ALDH18A1: variants seen among roughly 807,000 people sequenced by gnomAD.
The protein encoded by ALDH18A1 is aldehyde dehydrogenase 18 family member A1.
In ALDH18A1, 44 loss-of-function variants were observed where a neutral mutation model predicts 88.8. The ratio of observed to expected loss-of-function variants is 0.50; its 90% confidence interval spans 0.39 to 0.64. The LOEUF (loss-of-function observed/expected upper bound fraction) is 0.64. Among genes scored for constraint, ALDH18A1 ranks in the 30% least tolerant of loss-of-function variants. The pLI is 0.00. For synonymous variants in ALDH18A1, 331 were observed against 372.1 expected, an observed-to-expected ratio of 0.89 and a Z score of 1.27; for missense variants, 782 against 1,009.5, an observed-to-expected ratio of 0.77 and a Z score of 3.05.
At position 95,625,345 on chromosome 10, in the gene ALDH18A1, A is replaced by T; in HGVS notation, c.1246+17T>A. 6.2e-7 allele frequency: 1 copy of T among 1,611,040 alleles called. No individual in the cohort carries two copies. The highest frequency in any genetic ancestry group is 8.5e-7 in the Non-Finnish European group (1 of 1,177,252). On this transcript the variant is annotated intron_variant, in intron 11 of 17. Coordinates refer to ENST00000371224, the MANE Select transcript of ALDH18A1 (RefSeq NM_002860.4). Reference sequence around the variant, plus strand: ...ACACCCCTCCACAACATTGACTTTAAATTGCCTGGTCTTTACCCTCTGCCT... The same window carrying T: ...ACACCCCTCCACAACATTGACTTTATATTGCCTGGTCTTTACCCTCTGCCT...
At chr10:95,644,011 T>C (rs2097896644) in intron 2 of ALDH18A1, among the ~76,000 whole-genome samples, 1 of 152,088 alleles carries the variant, frequency 6.6e-6, no homozygotes, top group Non-Finnish European at 1.5e-5. Context: ...AGCATGGTGG[T>C]GGGCACCTAT....
intron 12 of ALDH18A1, among the ~76,000 whole-genome samples, chr10:95,618,538 T>C (rs2097847468): frequency 1.3e-5 from 2 of 152,152 alleles, no homozygotes; most frequent in Admixed American, 1.3e-4. Context: ...ATGGTCTCAA[T>C]CTCTTGACCT....
In ALDH18A1 at chr10:95,610,254, C is replaced by T. The variant is rs2097831296; in HGVS notation, c.2149G>A (p.Ala717Thr). The T allele has an allele frequency of 1.9e-6, 3 of 1,614,092 alleles. No individual in the cohort carries two copies. The highest frequency in any genetic ancestry group is 2.7e-5 in the African/African-American group (2 of 75,034). The change falls in exon 17 of 18, where the codon GCC (alanine) becomes ACC (threonine). Residue 717 changes from alanine (A) to threonine (T), a missense_variant. Ala to Thr is a moderately conservative substitution (Grantham distance 58). This residue lies in a region of ALDH18A1 where 556 missense variants were observed against 654.5 expected (regional missense o/e 0.85). Transcript: ENST00000371224. ...AEFFLQHVDS[A>T]CVFWNASTRF... The stretch of plus-strand genomic sequence containing the variant: ...GTGCTGGCATTCCAGAACACACAGG[C>T]ACTGTCTACGTGCTGCAGGAAGAAC...
Position 95,611,285 on chromosome 10 carries a change from G to C in ALDH18A1, c.2081C>G (p.Ser694Cys). ...CTCTGTGACGATGACATCCGTGTGG[G>C]AGCTGCCATACTTGTGGATGTGGTC... is the stretch of plus-strand genomic sequence containing the variant. The part of the protein sequence containing the change: ...AIDHIHKYGS[S>C]HTDVIVTEDE... The change falls in exon 16 of 18, where the codon TCC becomes TGC. Residue 694 changes from serine to cysteine, a missense_variant. Ser to Cys is a moderately radical substitution (Grantham distance 112). Coordinates refer to ENST00000371224, the MANE Select transcript of ALDH18A1 (RefSeq NM_002860.4). The C allele has an allele frequency of 6.2e-7, 1 of 1,614,100 alleles. No homozygotes were observed. The highest frequency in any genetic ancestry group is 8.5e-7 in the Non-Finnish European group (1 of 1,180,014).
intron 16 of ALDH18A1, among the ~76,000 whole-genome samples, 157 bp downstream of exon 16, chr10:95,611,099 T>C (rs576103803): frequency 6.6e-6 from 1 of 152,330 alleles, no homozygotes; most frequent in East Asian, 1.9e-4. Flanking sequence ...TAAAGTGATG[T>C]GAAAGCACTC....
intron 2 of ALDH18A1, among the ~76,000 whole-genome samples, chr10:95,650,451 C>CG (rs2097908799): frequency 6.6e-6 from 1 of 152,168 alleles, no homozygotes; most frequent in South Asian, 2.1e-4. Context: ...GTTTGAATTA[C>CG]GGGGGCAGAT....
In ALDH18A1 at chr10:95,633,026, A is replaced by G. The variant is rs1589533181; in HGVS notation, c.741T>C (p.Asp247=). The change falls in exon 7 of 18, where the codon GAT becomes GAC. Residue 247 remains aspartate (D), a synonymous_variant. Coordinates refer to ENST00000371224, the MANE Select transcript of ALDH18A1 (RefSeq NM_002860.4). ...GVNVISVKDN[D]SLAARLAVEM... is the part of the protein sequence containing the mutation. The stretch of plus-strand genomic sequence containing the variant: ...CCACAGCCAGTCGGGCAGCCAGGCT[A>G]TCATTATCTTTAACACTAATAACCT... 1 of 1,614,170 alleles carries G rather than the reference A, an allele frequency of 6.2e-7. No homozygotes were observed. Among genetic ancestry groups the G allele is most frequent in the Non-Finnish European group, 8.5e-7 (1 of 1,179,980 alleles).
intron 2 of ALDH18A1, among the ~76,000 whole-genome samples, chr10:95,652,428 G>C (rs945589683): frequency 6.6e-6 from 1 of 152,170 alleles, no homozygotes; most frequent in Non-Finnish European, 1.5e-5. Context: ...CAAAAAAAGA[G>C]TAATGAACAA....
intron 12 of ALDH18A1, among the ~76,000 whole-genome samples, chr10:95,616,881 T>C (rs1264563654): frequency 1.3e-5 from 2 of 151,908 alleles, no homozygotes; most frequent in Admixed American, 6.6e-5. Flanking sequence ...CAGACTGAGG[T>C]GGTTTGACTC....
rs200308502 is a variant in ALDH18A1 at position 95,644,147 on chromosome 10, AAAC to A, written c.89-944_89-942del. On this transcript the variant is annotated intron_variant, in intron 2 of 17. Coordinates refer to ENST00000371224, the MANE Select transcript of ALDH18A1 (RefSeq NM_002860.4). ...AACAGAGCAAGACTCCTTCTCAAAAAAACAAAAAAAGAGGGAAGAGCCTGATTA... is the reference window on the plus strand; with the variant it reads ...AACAGAGCAAGACTCCTTCTCAAAAAAAAAAAAGAGGGAAGAGCCTGATTA... Among the ~76,000 whole-genome samples, 432 of 152,344 alleles carry A rather than the reference AAAC, an allele frequency of 2.8e-3. 11 individuals carry two copies. The highest frequency in any genetic ancestry group is 0.028 in the East Asian group (145 of 5,182).
chr10:95,644,366 C>A (rs1451809594), intron 2 of ALDH18A1, among the ~76,000 whole-genome samples: 2 of 152,178 alleles, frequency 1.3e-5, no homozygotes, highest in African/African-American at 4.8e-5. Context: ...CTAACCAATT[C>A]TTTCCTGATT....
intron 5 of ALDH18A1, among the ~76,000 whole-genome samples, chr10:95,634,833 C>A (rs1008890911): frequency 2.0e-5 from 3 of 152,148 alleles, no homozygotes; most frequent in African/African-American, 4.8e-5. Flanking sequence ...TGAGGCTCAA[C>A]AATAAATAAT....
chr10:95,614,035 C>G lies in ALDH18A1; in HGVS notation c.1732G>C (p.Gly578Arg), dbSNP rs1085307606. 1.9e-6 allele frequency: 3 copies of G among 1,614,058 alleles called. No individual in the cohort carries two copies. The highest frequency in any genetic ancestry group is 1.3e-5 in the African/African-American group (1 of 74,926). The change falls in exon 14 of 18, where the codon GGG becomes CGG. Residue 578 changes from glycine (G) to arginine (R), a missense_variant. This residue lies in a region of ALDH18A1 where 556 missense variants were observed against 654.5 expected (regional missense o/e 0.85). Coordinates refer to ENST00000371224, the MANE Select transcript of ALDH18A1 (RefSeq NM_002860.4). ...QKAAKGIPVM[G>R]HSEGICHMYV... Reference sequence around the variant, plus strand: ...ATGTGACAGATCCCTTCGCTGTGCCCCATCACTGGAATCCCCTTAGCAGCT... The same window carrying G: ...ATGTGACAGATCCCTTCGCTGTGCCGCATCACTGGAATCCCCTTAGCAGCT...
chr10:95,630,994 C>CA (rs1346953469), intron 7 of ALDH18A1, among the ~76,000 whole-genome samples: 41 of 152,300 alleles, frequency 2.7e-4, no homozygotes, highest in African/African-American at 9.6e-4. Context: ...GAGCGTAAAA[C>CA]AGAGAACAGG....
In ALDH18A1 at chr10:95,606,228, C is replaced by CA. The variant is rs1419552260; in HGVS notation, c.*533dup. On this transcript the variant is annotated 3_prime_UTR_variant, in exon 18 of 18. Coordinates refer to ENST00000371224, the MANE Select transcript of ALDH18A1 (RefSeq NM_002860.4). ...TATTAATTTACCCCACAAATAAATA[C>CA]AAAAGGTCAATCTTCCCAGTGGAAA... The CA allele has an allele frequency of 2.0e-6, 2 of 992,022 alleles. No individual in the cohort carries two copies. Among genetic ancestry groups the CA allele is most frequent in the Admixed American group, 5.5e-5 (1 of 18,166 alleles). The allele number at this position is 992,022 out of a possible 1,614,324, so 61.5% of individuals were successfully genotyped here.
intron 17 of ALDH18A1, among the ~76,000 whole-genome samples, chr10:95,608,481 G>A (rs542168713): frequency 6.6e-6 from 1 of 152,322 alleles, no homozygotes; most frequent in South Asian, 2.1e-4. Context: ...AAAAAGTTCA[G>A]AAGGATTAAA....
intron 2 of ALDH18A1, among the ~76,000 whole-genome samples, chr10:95,645,507 G>A (rs1000208363): frequency 6.6e-6 from 1 of 152,076 alleles, no homozygotes; most frequent in Admixed American, 6.6e-5. Context: ...GGTAAAGCAG[G>A]CAGGACCTTA....
chr10:95,634,780 A>G (rs916146653), intron 5 of ALDH18A1, among the ~76,000 whole-genome samples: 15 of 152,200 alleles, frequency 9.9e-5, no homozygotes, highest in African/African-American at 3.6e-4. Context: ...AAAAAGATAA[A>G]TGGGTGAATG....
chr10:95,630,876 A>C (rs1368914526), intron 7 of ALDH18A1, among the ~76,000 whole-genome samples: 2 of 152,206 alleles, frequency 1.3e-5, no homozygotes, highest in African/African-American at 4.8e-5. Flanking sequence ...AGATATTGAC[A>C]TGTAGGTGTC....
Sources: allele counts gnomAD v4.1 joint callset (sites outside exome capture counted in the v4.1 genomes callset), GRCh38; gene constraint gnomAD v4.1.1; regional missense constraint gnomAD v4.1.1; transcripts MANE v1.5; gene names NCBI Gene and HGNC (gene_info 2026-07-23, HGNC 2026-07-21).